Variants in KIR2DL3 observed in about 807,000 individuals in gnomAD.
KIR2DL3 encodes killer cell immunoglobulin-like receptor 2DL3.
Under a neutral mutation model 33.8 loss-of-function variants are expected in KIR2DL3, and 39 were observed. The ratio of observed to expected loss-of-function variants is 1.15; its 90% CI spans 0.89 to 1.51. The LOEUF (loss-of-function observed/expected upper bound fraction) is 1.51, where lower values mean the gene tolerates loss of function less well. KIR2DL3 is among the 40% of genes most tolerant of loss of function. KIR2DL3 has a pLI of 0.00. For missense variants in KIR2DL3, 462 were observed against 426.2 expected (o/e 1.08, Z -0.74); for synonymous variants, 174 against 160.2 (o/e 1.09, Z -0.65).
Position 54,743,826 on chromosome 19 carries a change from G to C in KIR2DL3, c.402G>C (p.Gln134His). ...ATGAGAAACCTTCTCTCTCAGCCCAGCCGGGCCCCACGGTTCTGGCAGGAG... is the reference window on the plus strand; with the variant it reads ...ATGAGAAACCTTCTCTCTCAGCCCACCCGGGCCCCACGGTTCTGGCAGGAG... ...GLYEKPSLSA[Q>H]PGPTVLAGES... is the part of the protein sequence containing the mutation. Residue 134 changes from glutamine (Q) to histidine (H), a missense_variant, in exon 4 of 8, where the codon CAG (glutamine) becomes CAC (histidine). Gln to His is a conservative substitution (Grantham distance 24). Coordinates refer to ENST00000342376, the MANE Select transcript of KIR2DL3 (RefSeq NM_015868.3). 6.2e-7 allele frequency: 1 copy of C among 1,611,834 alleles called. No homozygotes were observed. The highest frequency in any genetic ancestry group is 8.5e-7 in the Non-Finnish European group (1 of 1,178,888).
At chr19:54,748,050 A>G (rs1219764712) in intron 5 of KIR2DL3, among the ~76,000 whole-genome samples, 4 of 151,868 alleles carry the variant, frequency 2.6e-5, no homozygotes, top group African/African-American at 7.3e-5. Flanking sequence ...GGTGACAGCA[A>G]GGCTGCCTTC....
At chr19:54,738,683 G>T in intron 1 of KIR2DL3, 104 bp downstream of exon 1, 1 of 1,573,434 alleles carries the variant, frequency 6.4e-7, no homozygotes, top group Non-Finnish European at 8.7e-7. Flanking sequence ...TAGAGATGGA[G>T]TGATGGGCCT....
chr19:54,748,505 G>T (rs1301941640), intron 5 of KIR2DL3, among the ~76,000 whole-genome samples: 6 of 144,332 alleles, frequency 4.2e-5, no homozygotes, highest in East Asian at 2.0e-4. Flanking sequence ...TTTGGCTTCT[G>T]CCCTTGGGAC....
chr19:54,751,754 G>T lies in KIR2DL3; in HGVS notation c.820+1G>T, dbSNP rs1378970238. ...CATCGCTGGTGCTGCAACAAAAAAA[G>T]TAAGTCTCACGAAGCAGAGGCCAGA... On this transcript the variant is annotated splice_donor_variant, in intron 6 of 7. Transcript: ENST00000342376. LOFTEE classifies it high-confidence loss of function. 4 of 1,459,236 alleles carry T rather than the reference G, an allele frequency of 2.7e-6. No homozygotes were observed. The South Asian group carries it at 3.9e-5, about 14-fold the overall frequency. 90.4% of individuals were successfully genotyped at this position (1,459,236 alleles called of 1,614,324 possible).
At chr19:54,741,567 C>T (rs1335653814) in intron 2 of KIR2DL3, among the ~76,000 whole-genome samples, 5 of 151,966 alleles carry the variant, frequency 3.3e-5, no homozygotes, top group Non-Finnish European at 5.9e-5. Flanking sequence ...TGTGTGGACA[C>T]TGGTGCCTGC....
chr19:54,741,819 G>T (rs1244751736), intron 2 of KIR2DL3, among the ~76,000 whole-genome samples, 161 bp from the exon 3 acceptor site: 1 of 151,956 alleles, frequency 6.6e-6, no homozygotes, highest in Non-Finnish European at 1.5e-5. Context: ...GAGACAGATG[G>T]AAGGACCTGC....
intron 1 of KIR2DL3, 58 bp downstream of exon 1, chr19:54,738,637 G>A: frequency 6.2e-7 from 1 of 1,612,870 alleles, no homozygotes; most frequent in Admixed American, 1.7e-5. Flanking sequence ...GGGGCCCAGA[G>A]TTGGAGATAT....
intron 1 of KIR2DL3, among the ~76,000 whole-genome samples, chr19:54,738,860 TAGGGGCCTGGAGTGGAG>T (rs2070329434): frequency 1.0e-5 from 1 of 99,038 alleles, no homozygotes; most frequent in Non-Finnish European, 2.1e-5. Flanking sequence ...GCAGTAGAGA[TAGGGGCCTGGAGTGGAG>T]ATATGGGCCT....
intron 4 of KIR2DL3, among the ~76,000 whole-genome samples, chr19:54,746,721 A>G (rs1325395430): frequency 4.0e-5 from 6 of 150,276 alleles, no homozygotes; most frequent in African/African-American, 1.5e-4. Context: ...GGTGGCTGAC[A>G]CCTGCAATTT....
In KIR2DL3 at chr19:54,752,226, A is replaced by G. The variant is rs1049519955; in HGVS notation, c.831A>G (p.Val277=). The change falls in exon 7 of 8, where the codon GTA becomes GTG. Residue 277 remains valine, a synonymous_variant. Coordinates refer to ENST00000342376, the MANE Select transcript of KIR2DL3 (RefSeq NM_015868.3). ...RWCCNKKNAV[V]MDQEPAGNRT... is the part of the protein sequence containing the mutation. ...TTCCGTCTTCTACAGATGCTGTTGT[A>G]ATGGACCAAGAGCCTGCAGGGAACA... 6.8e-6 allele frequency: 10 copies of G among 1,471,772 alleles called. 3 individuals carry two copies. The African/African-American group carries it at 1.5e-4, about 23-fold the overall frequency. The allele number at this position is 1,471,772 out of a possible 1,614,324, so 91.2% of individuals were successfully genotyped here.
rs2073415301 is a variant in KIR2DL3 at position 54,751,509 on chromosome 19, G to C, written c.716-140G>C. 14 of 735,454 alleles carry C rather than the reference G, an allele frequency of 1.9e-5. 4 individuals carry two copies. Among genetic ancestry groups the C allele is most frequent in the Non-Finnish European group, 3.1e-5 (14 of 449,460 alleles). 45.6% of individuals were successfully genotyped at this position (735,454 alleles called of 1,614,324 possible). ...GAGAGCTATAACTGAGAAAGCAGGA[G>C]AAAGCTGGGTCTCCCTCCATCTGGG... On this transcript the variant is annotated intron_variant, in intron 5 of 7. Transcript: ENST00000342376.
At chr19:54,742,526 A>G (rs2071369810) in intron 3 of KIR2DL3, among the ~76,000 whole-genome samples, 1 of 152,094 alleles carries the variant, frequency 6.6e-6, no homozygotes, top group Non-Finnish European at 1.5e-5. Flanking sequence ...AAAGAGACAG[A>G]CAGACAGACA....
chr19:54,746,614 T>A (rs1482568627), intron 4 of KIR2DL3, among the ~76,000 whole-genome samples: 2 of 148,744 alleles, frequency 1.3e-5, no homozygotes, highest in African/African-American at 4.9e-5. Flanking sequence ...TGCATGTAGA[T>A]GTCCAGGTTT....
In KIR2DL3 at chr19:54,752,377, A is replaced by T; in HGVS notation, c.884A>T (p.Glu295Val). ...NRTVNREDSD[E>V]QDPQEVTYAQ... ...TTTCCCTCTCTCCAGGACTCTGATG[A>T]ACAAGACCCTCAGGAGGTGACATAT... The change falls in exon 8 of 8, where the codon GAA (glutamate) becomes GTA (valine). Residue 295 changes from glutamate to valine, a missense_variant. Coordinates refer to ENST00000342376, the MANE Select transcript of KIR2DL3 (RefSeq NM_015868.3). The T allele has an allele frequency of 4.1e-6, 6 of 1,472,566 alleles. 2 individuals are homozygous for T. The highest frequency in any genetic ancestry group is 1.3e-5 in the South Asian group (1 of 77,808). The allele number at this position is 1,472,566 out of a possible 1,614,324, so 91.2% of individuals were successfully genotyped here.
At chr19:54,739,582 A>G (rs1049978603) in intron 2 of KIR2DL3, 40 bp downstream of exon 2, 3 of 1,613,906 alleles carry the variant, frequency 1.9e-6, no homozygotes, top group South Asian at 1.1e-5. Context: ...ATCTCCCCAC[A>G]TAAGAGGATT....
rs2070261496 is a variant in KIR2DL3, at chr19:54,738,708, G to C, written c.34+129G>C. ...GTGATGGGCCTAGAAGTGGAGATCT[G>C]GGCCTGGAGTGGAGATCTGGGCCTG... is the stretch of plus-strand genomic sequence containing the variant. On this transcript the variant is annotated intron_variant, in intron 1 of 7. Transcript: ENST00000342376. 3 of 785,704 alleles carry C rather than the reference G, an allele frequency of 3.8e-6. No homozygotes were observed. The South Asian group carries it at 9.1e-5, about 24-fold the overall frequency. 48.7% of individuals were successfully genotyped at this position (785,704 alleles called of 1,614,324 possible). A position where few individuals can be genotyped will look rare whatever the true frequency, so the allele number is the denominator to read the frequency against.
At chr19:54,739,744 G>C (rs763764585) in intron 2 of KIR2DL3, among the ~76,000 whole-genome samples, 2 of 150,848 alleles carry the variant, frequency 1.3e-5, no homozygotes, top group African/African-American at 2.5e-5. Flanking sequence ...GGTTAGACTG[G>C]GGTGCTCAAA....
At position 54,738,842 on chromosome 19, in the gene KIR2DL3, A is replaced by C. The variant is rs1293347401; in HGVS notation, c.34+263A>C. ...GAGATATGGGCCTGGAGATGGAGATATGGGCCTGCAGTAGAGATAGGGGCC... is the reference window on the plus strand; with the variant it reads ...GAGATATGGGCCTGGAGATGGAGATCTGGGCCTGCAGTAGAGATAGGGGCC... On this transcript the variant is annotated intron_variant, in intron 1 of 7. Coordinates refer to ENST00000342376, the MANE Select transcript of KIR2DL3 (RefSeq NM_015868.3). 3.5e-4 allele frequency among the ~76,000 whole-genome samples: 38 copies of C among 108,978 alleles called. 1 individual carries two copies. The highest frequency in any genetic ancestry group is 1.3e-4 in the Non-Finnish European group (7 of 54,612). 71.5% of individuals were successfully genotyped at this position (108,978 alleles called of 152,430 possible).
rs1358374837 is a variant in KIR2DL3 at position 54,751,888 on chromosome 19, G to C, written c.820+135G>C. 2.6e-5 allele frequency: 21 copies of C among 808,232 alleles called. 4 individuals are homozygous for C. Among genetic ancestry groups the C allele is most frequent in the Middle Eastern group, 7.5e-4 (2 of 2,650 alleles). 50.1% of individuals were successfully genotyped at this position (808,232 alleles called of 1,614,324 possible). A position where few individuals can be genotyped will look rare whatever the true frequency, so the allele number is the denominator to read the frequency against. ...GCAGCCACAGAGGGAGGACTTTCTAGAGAGAGCACCAGACTCCCTGTCCCT... is the reference window on the plus strand; with the variant it reads ...GCAGCCACAGAGGGAGGACTTTCTACAGAGAGCACCAGACTCCCTGTCCCT... On this transcript the variant is annotated intron_variant, in intron 6 of 7. Coordinates refer to ENST00000342376, the MANE Select transcript of KIR2DL3 (RefSeq NM_015868.3).
Sources: allele counts gnomAD v4.1 joint callset (sites outside exome capture counted in the v4.1 genomes callset), GRCh38; gene constraint gnomAD v4.1.1; transcripts MANE v1.5; gene names NCBI Gene and HGNC (gene_info 2026-07-23, HGNC 2026-07-21).